The following ZBTB8A variants were observed in gnomAD, a reference collection of about 807,000 sequenced individuals.
ZBTB8A encodes zinc finger and BTB domain-containing protein 8A.
ZBTB8A carries 19 observed loss-of-function variants against 37.8 expected under a neutral mutation model. That is an observed-to-expected ratio of 0.50 (90% CI 0.35 to 0.74). The LOEUF is 0.74. ZBTB8A is among the 30% of genes least tolerant of loss of function. The probability of loss-of-function intolerance (pLI) is 0.01; values close to 1 mark genes in which losing one functional copy is unlikely to be tolerated. For missense variants in ZBTB8A, 394 were observed against 537.8 expected (o/e 0.73, Z 2.65); for synonymous variants, 181 against 185.2 (o/e 0.98, Z 0.19).
chr1:32,550,788 C>G (rs1644147240), intron 1 of ZBTB8A, among the ~76,000 whole-genome samples: 1 of 151,964 alleles, frequency 6.6e-6, no homozygotes, highest in African/African-American at 2.4e-5. Context: ...GAAACCCCGC[C>G]TCTACTAAAA....
At chr1:32,578,631 T>C (rs1321655936) in intron 2 of ZBTB8A, among the ~76,000 whole-genome samples, 2 of 152,018 alleles carry the variant, frequency 1.3e-5, no homozygotes, top group Non-Finnish European at 2.9e-5. Context: ...AACTCTAGCA[T>C]CTCTTTCATT....
intron 2 of ZBTB8A, among the ~76,000 whole-genome samples, chr1:32,560,826 A>G (rs953313118): frequency 1.3e-5 from 2 of 151,798 alleles, no homozygotes; most frequent in African/African-American, 4.8e-5. Context: ...GGGTTTCACC[A>G]TGTTGTCCAG....
chr1:32,556,675 A>G (rs148500114), intron 2 of ZBTB8A, among the ~76,000 whole-genome samples: 1 of 152,132 alleles, frequency 6.6e-6, no homozygotes, highest in African/African-American at 2.4e-5. Flanking sequence ...TCAAGATATC[A>G]AGACAGTTCC....
intron 2 of ZBTB8A, among the ~76,000 whole-genome samples, chr1:32,582,280 A>G (rs904335255): frequency 1.3e-5 from 2 of 152,172 alleles, no homozygotes; most frequent in African/African-American, 4.8e-5. Flanking sequence ...GAACCTAAGT[A>G]TAATGGAAAT....
chr1:32,596,489 G>A (rs1557718859), intron 4 of ZBTB8A, among the ~76,000 whole-genome samples: 1 of 152,112 alleles, frequency 6.6e-6, no homozygotes, highest in Non-Finnish European at 1.5e-5. Context: ...GCTGAGGCAC[G>A]AGAATTGCCC....
At chr1:32,580,085 G>A (rs900964619) in intron 2 of ZBTB8A, among the ~76,000 whole-genome samples, 1 of 152,028 alleles carries the variant, frequency 6.6e-6, no homozygotes, top group Admixed American at 6.6e-5. Context: ...GGGAGGCCGG[G>A]CATGGTGGCT....
intron 2 of ZBTB8A, among the ~76,000 whole-genome samples, chr1:32,571,209 A>C (rs1341539530): frequency 6.6e-6 from 1 of 152,330 alleles, no homozygotes; most frequent in South Asian, 2.1e-4. Context: ...CTCTTACTGC[A>C]CTGACCAACA....
intron 2 of ZBTB8A, among the ~76,000 whole-genome samples, chr1:32,564,473 A>C (rs1331392859): frequency 6.6e-6 from 1 of 152,230 alleles, no homozygotes; most frequent in Non-Finnish European, 1.5e-5. Context: ...GGAAGCCAAT[A>C]GCCTGTTTTT....
chr1:32,553,626 C>T (rs905896038), intron 2 of ZBTB8A, 86 bp downstream of exon 2: 2 of 152,146 alleles, frequency 1.3e-5, no homozygotes, highest in Non-Finnish European at 2.9e-5. Flanking sequence ...GTGGCTCACG[C>T]CTATAATCCC....
chr1:32,593,784 C>T, intron 3 of ZBTB8A, 30 bp downstream of exon 3: 1 of 1,556,560 alleles, frequency 6.4e-7, no homozygotes, highest in Non-Finnish European at 8.7e-7. Context: ...GTCCCCTCAT[C>T]CAGGTTCCAA....
intron 1 of ZBTB8A, among the ~76,000 whole-genome samples, chr1:32,548,156 A>T (rs1180973767): frequency 6.6e-6 from 1 of 151,350 alleles, no homozygotes; most frequent in Non-Finnish European, 1.5e-5. Context: ...AAAAAAAAAA[A>T]AAAAAAGAAT....
intron 1 of ZBTB8A, among the ~76,000 whole-genome samples, chr1:32,544,465 A>G (rs985333111): frequency 6.6e-6 from 1 of 152,252 alleles, no homozygotes; most frequent in African/African-American, 2.4e-5. Context: ...TGGGAGCCCA[A>G]GGTGGGTGGA....
intron 2 of ZBTB8A, among the ~76,000 whole-genome samples, chr1:32,556,733 C>T (rs927656943): frequency 2.6e-5 from 4 of 151,896 alleles, no homozygotes; most frequent in East Asian, 1.9e-4. Flanking sequence ...AGAAATTAGC[C>T]GGGCGTGGTG....
At chr1:32,549,740 AAAAT>A (rs1410220473) in intron 1 of ZBTB8A, among the ~76,000 whole-genome samples, 3 of 152,124 alleles carry the variant, frequency 2.0e-5, no homozygotes, top group African/African-American at 7.2e-5. Context: ...CCTGCCTCTG[AAAAT>A]AAATAAAAGG....
At chr1:32,569,893 G>C (rs1436982453) in intron 2 of ZBTB8A, among the ~76,000 whole-genome samples, 1 of 152,038 alleles carries the variant, frequency 6.6e-6, no homozygotes, top group African/African-American at 2.4e-5. Flanking sequence ...AAAGTGCTGG[G>C]ATTATAGGTG....
At chr1:32,568,729 G>A (rs142546465) in intron 2 of ZBTB8A, among the ~76,000 whole-genome samples, 9 of 152,282 alleles carry the variant, frequency 5.9e-5, no homozygotes, top group Non-Finnish European at 1.3e-4. Context: ...CACACAGTAG[G>A]TGTTCTTTGG....
At chr1:32,563,863 T>C (rs1291658823) in intron 2 of ZBTB8A, among the ~76,000 whole-genome samples, 1 of 152,126 alleles carries the variant, frequency 6.6e-6, no homozygotes, top group Non-Finnish European at 1.5e-5. Context: ...AGCCCCATCA[T>C]AGAACCTAGT....
intron 2 of ZBTB8A, among the ~76,000 whole-genome samples, chr1:32,573,781 A>G (rs367867861): frequency 1.7e-4 from 23 of 135,604 alleles, no homozygotes; most frequent in African/African-American, 5.6e-4. Context: ...ATTTAAAACT[A>G]TACATTTTCC....
intron 2 of ZBTB8A, among the ~76,000 whole-genome samples, chr1:32,579,787 A>G (rs1397509502): frequency 6.6e-6 from 1 of 152,052 alleles, no homozygotes; most frequent in Non-Finnish European, 1.5e-5. Context: ...TTTTTCATGT[A>G]TTTTGTTCAG....
Sources: allele counts gnomAD v4.1 joint callset (sites outside exome capture counted in the v4.1 genomes callset), GRCh38; gene constraint gnomAD v4.1.1; transcripts MANE v1.5; gene names NCBI Gene and HGNC (gene_info 2026-07-23, HGNC 2026-07-21).